Variants in THSD7A observed in about 807,000 individuals in gnomAD.
THSD7A encodes thrombospondin type-1 domain-containing protein 7A.
A neutral mutation model predicts 231.3 loss-of-function variants in THSD7A; 96 were observed. The ratio of observed to expected loss-of-function variants is 0.41; its 90% CI spans 0.35 to 0.49. THSD7A has a LOEUF of 0.49. Among genes scored for constraint, THSD7A ranks in the 20% least tolerant of loss-of-function variants. The probability of loss-of-function intolerance (pLI) is 0.05; values close to 1 mark genes in which losing one functional copy is unlikely to be tolerated. For missense variants in THSD7A, 2,290 were observed against 2,070.2 expected (o/e 1.11, Z -2.06); for synonymous variants, 940 against 743.3 (o/e 1.26, Z -4.30).
chr7:11,710,346 T>C (rs760507587), intron 1 of THSD7A, among the ~76,000 whole-genome samples: 19 of 150,916 alleles, frequency 1.3e-4, no homozygotes, highest in Non-Finnish European at 2.2e-4. Context: ...TAACTCACAT[T>C]TGTTTCAGAC....
chr7:11,384,255 G>A (rs1194162363), intron 23 of THSD7A: 8 of 151,700 alleles, frequency 5.3e-5, no homozygotes, highest in Non-Finnish European at 7.4e-5. Context: ...GGATCAAAAA[G>A]TTCTAGATTT....
In THSD7A at chr7:11,474,772, T is replaced by C. The variant is rs547701163; in HGVS notation, c.2018-204A>G. On this transcript the variant is annotated intron_variant, in intron 7 of 27. Coordinates refer to ENST00000423059, the MANE Select transcript of THSD7A (RefSeq NM_015204.3). The surrounding 1 kb of genome is among the most constrained non-coding windows in gnomAD (Gnocchi z 4.1). ...AAATAGTTTCTGCTACACTCAAGGA[T>C]CTCATAATGTAGTAGGGAAAAGTAG... Among the ~76,000 whole-genome samples the C allele has an allele frequency of 5.0e-4, 76 of 152,226 alleles. No individual in the cohort carries two copies. The highest frequency in any genetic ancestry group is 7.2e-4 in the Non-Finnish European group (49 of 68,006).
intron 6 of THSD7A, among the ~76,000 whole-genome samples, chr7:11,501,888 T>G (rs1382670928): frequency 6.6e-6 from 1 of 152,060 alleles, no homozygotes; most frequent in African/African-American, 2.4e-5. Context: ...AGCCACTATC[T>G]AGACTAATAG....
intron 1 of THSD7A, among the ~76,000 whole-genome samples, chr7:11,683,592 C>T (rs1783950437): frequency 6.6e-6 from 1 of 152,000 alleles, no homozygotes; most frequent in Admixed American, 6.6e-5. Context: ...CTACTATGAA[C>T]ATGTCTATGC....
At chr7:11,509,644 C>A (rs1204658884) in intron 6 of THSD7A, among the ~76,000 whole-genome samples, 1 of 150,450 alleles carries the variant, frequency 6.6e-6, no homozygotes. Context: ...CACGGTGAAA[C>A]CCCGTCTCTA....
At chr7:11,534,911 A>C (rs889735265) in intron 6 of THSD7A, among the ~76,000 whole-genome samples, 1 of 152,192 alleles carries the variant, frequency 6.6e-6, no homozygotes, top group African/African-American at 2.4e-5. Context: ...TGGGATGCTA[A>C]GGCAGGAGGA....
At chr7:11,602,259 T>C (rs1780577705) in intron 2 of THSD7A, among the ~76,000 whole-genome samples, 1 of 152,142 alleles carries the variant, frequency 6.6e-6, no homozygotes, top group African/African-American at 2.4e-5. Context: ...TATGATTATA[T>C]AGTTTACATA....
chr7:11,375,572 C>T lies in THSD7A; in HGVS notation c.*222G>A, dbSNP rs1446420965. On this transcript the variant is annotated 3_prime_UTR_variant, in exon 28 of 28. Transcript: ENST00000423059. ...AAACTTTCAGAATGCAGCATGTATT[C>T]AGCTAAATCTCCTATAATTCTCACG... 2.7e-6 allele frequency: 1 copy of T among 375,524 alleles called. No homozygotes were observed. The highest frequency in any genetic ancestry group is 4.7e-6 in the Non-Finnish European group (1 of 211,032). The allele number at this position is 375,524 out of a possible 1,614,324, so 23.3% of individuals were successfully genotyped here.
chr7:11,744,133 G>T (rs951995157), intron 1 of THSD7A, among the ~76,000 whole-genome samples: 7 of 151,926 alleles, frequency 4.6e-5, no homozygotes, highest in African/African-American at 1.7e-4. Context: ...TTCATACCAT[G>T]TTGGATACCT....
chr7:11,396,110 C>T (rs980449556), intron 23 of THSD7A, among the ~76,000 whole-genome samples: 3 of 152,174 alleles, frequency 2.0e-5, no homozygotes, highest in Non-Finnish European at 2.9e-5. Context: ...AGTTCAAAGA[C>T]ACAACATACC....
At position 11,824,004 on chromosome 7, in the gene THSD7A, A is replaced by G. The variant is rs576228727; in HGVS notation, c.190+7753T>C. 3.3e-5 allele frequency among the ~76,000 whole-genome samples: 5 copies of G among 152,172 alleles called. No homozygotes were observed. In the East Asian group the frequency reaches 9.6e-4, roughly 29 times the overall value. The stretch of plus-strand genomic sequence containing the variant: ...TCACCTATGAAGTAAAAATGGAACA[A>G]TGCACAAAACAGAAACAATTCTACT... On this transcript the variant is annotated intron_variant, in intron 1 of 27. Transcript: ENST00000423059.
intron 4 of THSD7A, among the ~76,000 whole-genome samples, chr7:11,571,678 G>C (rs1790636785): frequency 6.6e-6 from 1 of 152,150 alleles, no homozygotes; most frequent in Non-Finnish European, 1.5e-5. Flanking sequence ...CACTTTTGAA[G>C]ACTATTTTCA....
intron 1 of THSD7A, among the ~76,000 whole-genome samples, chr7:11,775,746 T>C (rs1783385103): frequency 6.6e-6 from 1 of 152,158 alleles, no homozygotes; most frequent in Non-Finnish European, 1.5e-5. Flanking sequence ...GGTGAAAATC[T>C]CTGAAGATGG....
intron 1 of THSD7A, among the ~76,000 whole-genome samples, chr7:11,759,875 C>T (rs1782799551): frequency 6.6e-6 from 1 of 151,988 alleles, no homozygotes; most frequent in Admixed American, 6.6e-5. Context: ...CTCCTAAAGA[C>T]TATGTTGCAT....
intron 1 of THSD7A, among the ~76,000 whole-genome samples, chr7:11,667,608 C>G (rs138637363): frequency 2.0e-4 from 31 of 152,056 alleles, no homozygotes; most frequent in Non-Finnish European, 4.3e-4. Context: ...TAGACTATGA[C>G]CACATTACAA....
In THSD7A at chr7:11,636,379, C is replaced by G. The variant is rs574027197; in HGVS notation, c.773G>C (p.Gly258Ala). 1.2e-6 allele frequency: 2 copies of G among 1,613,824 alleles called. No individual in the cohort carries two copies. Among genetic ancestry groups the G allele is most frequent in the Non-Finnish European group, 1.7e-6 (2 of 1,179,900 alleles). The change falls in exon 2 of 28, where the codon GGG becomes GCG. Residue 258 changes from glycine (G) to alanine (A), a missense_variant. Coordinates refer to ENST00000423059, the MANE Select transcript of THSD7A (RefSeq NM_015204.3). The surrounding 1 kb of genome is among the most constrained non-coding windows in gnomAD (Gnocchi z 10.0). Reference sequence around the variant, plus strand: ...GGGCATTGAGCAGGTGCTCCAGGGCCCCACATGCAGGCTGTACCTGAGCTC... The same window carrying G: ...GGGCATTGAGCAGGTGCTCCAGGGCGCCACATGCAGGCTGTACCTGAGCTC... ...AEELRYSLHV[G>A]PWSTCSMPHS...
At chr7:11,776,995 G>A (rs1410484871) in intron 1 of THSD7A, among the ~76,000 whole-genome samples, 3 of 152,056 alleles carry the variant, frequency 2.0e-5, no homozygotes, top group Admixed American at 6.6e-5. Flanking sequence ...TCATTTACTC[G>A]TTTGTTCTGT....
At chr7:11,828,187 T>C (rs760050067) in intron 1 of THSD7A, among the ~76,000 whole-genome samples, 3 of 152,230 alleles carry the variant, frequency 2.0e-5, no homozygotes, top group Non-Finnish European at 2.9e-5. Context: ...AAGTCCAATA[T>C]CTTACCATTG....
chr7:11,569,211 C>T (rs1790517116), intron 4 of THSD7A, among the ~76,000 whole-genome samples: 1 of 152,024 alleles, frequency 6.6e-6, no homozygotes, highest in Non-Finnish European at 1.5e-5. Flanking sequence ...TGTTTCTGCA[C>T]AGTAAGGGAA....
Sources: gnomAD v4.1 joint callset for allele counts (sites outside exome capture counted in the v4.1 genomes callset) on GRCh38, gnomAD v4.1.1 for gene constraint, Gnocchi (gnomAD v3.1) non-coding constraint, MANE v1.5 for transcripts, NCBI Gene and HGNC (gene_info 2026-07-23, HGNC 2026-07-21) for gene names.